VPS13B: variants seen among roughly 807,000 people sequenced by gnomAD.
The protein encoded by VPS13B is vacuolar protein sorting 13 homolog B.
A neutral mutation model predicts 426.4 loss-of-function variants in VPS13B; 285 were observed. The ratio of observed to expected loss-of-function variants is 0.67; its 90% CI spans 0.61 to 0.74. VPS13B has a LOEUF of 0.74. VPS13B is among the 30% of genes least tolerant of loss of function. The pLI is 0.00. For synonymous variants in VPS13B, 1,676 were observed against 1,676.4 expected, an observed-to-expected ratio of 1.00 and a Z score of 0.01; for missense variants, 4,537 against 4,782.6, an observed-to-expected ratio of 0.95 and a Z score of 1.51.
chr8:99,425,682 T>G (rs1385493996), intron 21 of VPS13B, among the ~76,000 whole-genome samples: 1 of 152,002 alleles, frequency 6.6e-6, no homozygotes, highest in African/African-American at 2.4e-5. Context: ...CTCTCACCAC[T>G]CCTGTTCAAC....
In VPS13B at chr8:99,862,132, C is replaced by T. The variant is rs560575513; in HGVS notation, c.11215+186C>T. Among the ~76,000 whole-genome samples the T allele has an allele frequency of 3.9e-5, 6 of 152,340 alleles. No homozygotes were observed. The East Asian group carries it at 1.2e-3, about 29-fold the overall frequency. On this transcript the variant is annotated intron_variant, in intron 58 of 61. Coordinates refer to ENST00000357162, the MANE Select transcript of VPS13B (RefSeq NM_152564.5). ...CTCACCTGCACAGCCGCACATGCAG[C>T]GCCTGTGTTTGCTTTGTGCATGAAA... is the stretch of plus-strand genomic sequence containing the variant.
intron 31 of VPS13B, among the ~76,000 whole-genome samples, chr8:99,565,643 G>A (rs899048207): frequency 3.3e-5 from 5 of 151,854 alleles, no homozygotes; most frequent in East Asian, 1.9e-4. Flanking sequence ...TGTTCACACC[G>A]CACAGGACCC....
intron 24 of VPS13B, among the ~76,000 whole-genome samples, chr8:99,474,812 T>C (rs776651017): frequency 4.6e-5 from 7 of 152,170 alleles, no homozygotes; most frequent in Non-Finnish European, 8.8e-5. Flanking sequence ...AGCACACACT[T>C]ATCATACAAC....
At chr8:99,789,922 A>G (rs1005283332) in intron 43 of VPS13B, among the ~76,000 whole-genome samples, 6 of 152,208 alleles carry the variant, frequency 3.9e-5, no homozygotes, top group African/African-American at 9.6e-5. Context: ...AGGTGATATT[A>G]TTCTATTTTT....
chr8:99,151,421 G>T (rs866419540), intron 14 of VPS13B, among the ~76,000 whole-genome samples: 4 of 151,964 alleles, frequency 2.6e-5, no homozygotes, highest in Admixed American at 6.6e-5. Flanking sequence ...TGTGCCTTTT[G>T]TGTTATATCT....
At chr8:99,600,708 G>A (rs768806748) in intron 33 of VPS13B, among the ~76,000 whole-genome samples, 6 of 152,164 alleles carry the variant, frequency 3.9e-5, no homozygotes, top group Non-Finnish European at 5.9e-5. Flanking sequence ...GAGAGGCAGT[G>A]TCTCAGCACA....
chr8:99,316,822 C>G lies in VPS13B; in HGVS notation c.2824+41568C>G, dbSNP rs763268509. Among the ~76,000 whole-genome samples the G allele has an allele frequency of 2.0e-5, 3 of 152,286 alleles. 1 individual carries two copies. In the South Asian group the frequency reaches 6.2e-4, roughly 32 times the overall value. ...CCTCTAGTCAGCCATTGTGAAGCCC[C>G]TGTCTTGTGGCTTTATTTCTTATTT... On this transcript the variant is annotated intron_variant, in intron 19 of 61. Coordinates refer to ENST00000357162, the MANE Select transcript of VPS13B (RefSeq NM_152564.5).
chr8:99,495,721 G>A (rs531952214), intron 25 of VPS13B, among the ~76,000 whole-genome samples: 24 of 152,308 alleles, frequency 1.6e-4, no homozygotes, highest in Non-Finnish European at 2.2e-4. Flanking sequence ...TTGCACTTTA[G>A]AGTTGTTTTT....
intron 17 of VPS13B, among the ~76,000 whole-genome samples, chr8:99,218,152 G>A (rs1163006759): frequency 1.3e-5 from 2 of 152,140 alleles, no homozygotes; most frequent in Admixed American, 1.3e-4. Context: ...CCCAGGAGTT[G>A]GCAAACTGCA....
chr8:99,191,119 G>A (rs1563593267), intron 16 of VPS13B, among the ~76,000 whole-genome samples: 1 of 151,558 alleles, frequency 6.6e-6, no homozygotes, highest in African/African-American at 2.4e-5. Context: ...GTATTCTGTT[G>A]TCTTCTGTTC....
intron 33 of VPS13B, among the ~76,000 whole-genome samples, chr8:99,597,999 A>G (rs2133851640): frequency 6.6e-6 from 1 of 152,216 alleles, no homozygotes. Context: ...AATAAGATGT[A>G]TACAACATAT....
At chr8:99,043,268 A>G (rs1198076675) in intron 3 of VPS13B, among the ~76,000 whole-genome samples, 5 of 152,136 alleles carry the variant, frequency 3.3e-5, no homozygotes, top group Non-Finnish European at 5.9e-5. Context: ...ATTTACTTGT[A>G]GAAATTTTAC....
At chr8:99,752,282 T>C (rs1810434048) in intron 39 of VPS13B, among the ~76,000 whole-genome samples, 1 of 152,106 alleles carries the variant, frequency 6.6e-6, no homozygotes, top group Admixed American at 6.6e-5. Flanking sequence ...GCTAGACCCA[T>C]GGAGAACTAT....
In VPS13B at chr8:99,699,751, A is replaced by G; in HGVS notation, c.6273A>G (p.Gln2091=). 6.2e-7 allele frequency: 1 copy of G among 1,614,116 alleles called. No individual in the cohort carries two copies. Among genetic ancestry groups the G allele is most frequent in the Non-Finnish European group, 8.5e-7 (1 of 1,180,012 alleles). ...CCAAAATTCATGGTGATGGAGTGCA[A>G]AAGATTTCAGCTCAAGAAAACATGT... ...SKPKIHGDGV[Q]KISAQENMWR... The change falls in exon 36 of 62, where the codon CAA becomes CAG. Residue 2091 remains glutamine, a synonymous_variant. Coordinates refer to ENST00000357162, the MANE Select transcript of VPS13B (RefSeq NM_152564.5).
intron 23 of VPS13B, among the ~76,000 whole-genome samples, chr8:99,456,546 G>A (rs1302006374): frequency 6.6e-6 from 1 of 152,140 alleles, no homozygotes; most frequent in Non-Finnish European, 1.5e-5. Flanking sequence ...TTGACATCAT[G>A]TGGTTTCTAT....
intron 44 of VPS13B, among the ~76,000 whole-genome samples, chr8:99,814,340 T>C (rs532552090): frequency 3.6e-4 from 55 of 152,338 alleles, no homozygotes; most frequent in African/African-American, 1.3e-3. Flanking sequence ...TACTATTCTA[T>C]TTTATGTTTA....
At chr8:99,783,843 G>A (rs540749314) in intron 42 of VPS13B, among the ~76,000 whole-genome samples, 61 of 152,236 alleles carry the variant, frequency 4.0e-4, no homozygotes, top group African/African-American at 1.4e-3. Context: ...CCCTCTTAAG[G>A]GATCTGGGGA....
intron 19 of VPS13B, chr8:99,341,229 T>A: frequency 5.6e-6 from 1 of 179,684 alleles, no homozygotes; most frequent in Non-Finnish European, 1.2e-5. Flanking sequence ...GCAAAATGCT[T>A]CTCGTAGGAC....
intron 24 of VPS13B, among the ~76,000 whole-genome samples, chr8:99,478,008 G>T (rs927830938): frequency 2.0e-5 from 3 of 151,648 alleles, no homozygotes; most frequent in African/African-American, 4.8e-5. Context: ...CAGCGACTTG[G>T]TAGGCTAAGG....
Sources: allele counts gnomAD v4.1 joint callset (sites outside exome capture counted in the v4.1 genomes callset), GRCh38; gene constraint gnomAD v4.1.1; transcripts MANE v1.5; gene names NCBI Gene and HGNC (gene_info 2026-07-23, HGNC 2026-07-21).